MTHFD1L: variants seen among roughly 807,000 people sequenced by gnomAD.
MTHFD1L encodes the protein monofunctional C1-tetrahydrofolate synthase, mitochondrial.
In MTHFD1L, 81 loss-of-function variants were observed where a neutral mutation model predicts 119.5. The observed-to-expected ratio is 0.68, with a 90% CI of 0.57 to 0.82. The LOEUF (loss-of-function observed/expected upper bound fraction) is 0.82. MTHFD1L is among the 40% of genes least tolerant of loss of function. MTHFD1L has a pLI of 0.00. For missense variants in MTHFD1L, 1,125 were observed against 1,253.4 expected, an observed-to-expected ratio of 0.90 and a Z score of 1.55; for synonymous variants, 430 against 475.2, an observed-to-expected ratio of 0.90 and a Z score of 1.24.
In MTHFD1L at chr6:150,926,030, A is replaced by G; in HGVS notation, c.1083-92A>G. 1 of 1,099,712 alleles carries G rather than the reference A, an allele frequency of 9.1e-7. No individual in the cohort carries two copies. The highest frequency in any genetic ancestry group is 1.3e-6 in the Non-Finnish European group (1 of 770,978). The allele number at this position is 1,099,712 out of a possible 1,614,324, so 68.1% of individuals were successfully genotyped here. A position where few individuals can be genotyped will look rare whatever the true frequency, so the allele number is the denominator to read the frequency against. On this transcript the variant is annotated intron_variant, in intron 10 of 27. Transcript: ENST00000367321. This position sits in a 1 kb window ranked among gnomAD's most constrained non-coding sequence, Gnocchi z 4.3. Reference sequence around the variant, plus strand: ...ACCCCAAAGTAATTGCATTGATTTCATCGTTGGCGTGATGTGTGGCTGTTT... The same window carrying G: ...ACCCCAAAGTAATTGCATTGATTTCGTCGTTGGCGTGATGTGTGGCTGTTT...
In MTHFD1L at chr6:150,905,685, TAAGCCA is replaced by T. The variant is rs771075779; in HGVS notation, c.817_822del (p.Lys273_Pro274del). 5 of 1,614,162 alleles carry T rather than the reference TAAGCCA, an allele frequency of 3.1e-6. No individual in the cohort carries two copies. In the South Asian group the frequency reaches 5.5e-5, roughly 18 times the overall value. ...CTGACATTGTGGTCCTAGGCTCACC[TAAGCCA>T]GAAGAGATTCCCCTTACTTGGATAC... On this transcript the variant is annotated inframe_deletion, in exon 8 of 28. Coordinates refer to ENST00000367321, the MANE Select transcript of MTHFD1L (RefSeq NM_015440.5).
intron 20 of MTHFD1L, among the ~76,000 whole-genome samples, chr6:150,996,916 G>A (rs1360434868): frequency 6.6e-6 from 1 of 152,104 alleles, no homozygotes; most frequent in African/African-American, 2.4e-5. Context: ...TGCTTTCTAG[G>A]TGCGGTGGAG....
chr6:150,961,546 T>C (rs1796461927), intron 18 of MTHFD1L, among the ~76,000 whole-genome samples: 1 of 152,242 alleles, frequency 6.6e-6, no homozygotes, highest in African/African-American at 2.4e-5. Flanking sequence ...CCTACAATAA[T>C]GGAACTTAAA....
intron 14 of MTHFD1L, among the ~76,000 whole-genome samples, chr6:150,945,042 A>G (rs752314726): frequency 6.6e-6 from 1 of 152,170 alleles, no homozygotes; most frequent in East Asian, 1.9e-4. Flanking sequence ...TAAGAGTTAA[A>G]CCACACCCCC....
intron 26 of MTHFD1L, among the ~76,000 whole-genome samples, chr6:151,075,344 G>A (rs1279676788): frequency 6.6e-6 from 1 of 152,022 alleles, no homozygotes; most frequent in African/African-American, 2.4e-5. Context: ...AATTGAATTG[G>A]TATATCAATA....
At chr6:151,096,457 C>T (rs1794905361) in intron 27 of MTHFD1L, among the ~76,000 whole-genome samples, 1 of 152,146 alleles carries the variant, frequency 6.6e-6, no homozygotes, top group Non-Finnish European at 1.5e-5. Context: ...GCAAACATTC[C>T]CTCTCAGTGG....
chr6:151,047,116 A>G (rs1788212565), intron 26 of MTHFD1L, among the ~76,000 whole-genome samples: 2 of 152,222 alleles, frequency 1.3e-5, no homozygotes, highest in Admixed American at 1.3e-4. Flanking sequence ...CTTGGAAACT[A>G]CCACTTTAAG....
chr6:150,906,573 T>C (rs6905272), intron 8 of MTHFD1L, among the ~76,000 whole-genome samples: 25,235 of 152,232 alleles, frequency 0.17, 2,334 homozygotes, highest in Admixed American at 0.25. Context: ...CCCCTCTTCC[T>C]GATTCCTTCT....
chr6:151,009,545 G>A (rs1054469111), intron 20 of MTHFD1L, among the ~76,000 whole-genome samples: 2 of 146,782 alleles, frequency 1.4e-5, no homozygotes, highest in Admixed American at 1.4e-4. Context: ...AAAAAAAAAA[G>A]CTTCACTGTG....
intron 8 of MTHFD1L, 45 bp downstream of exon 8, chr6:150,905,806 A>G (rs781396972): frequency 1.4e-6 from 2 of 1,402,830 alleles, no homozygotes; most frequent in South Asian, 1.2e-5. Context: ...TAGGTCAGAT[A>G]GTTCAAAGAA....
At chr6:151,100,865 A>C (rs1221158635) in intron 27 of MTHFD1L, among the ~76,000 whole-genome samples, 2 of 152,108 alleles carry the variant, frequency 1.3e-5, no homozygotes, top group African/African-American at 2.4e-5. Context: ...CCTTATCTAA[A>C]ATCCTAAACA....
chr6:151,092,514 A>G lies in MTHFD1L; in HGVS notation c.2895A>G (p.Ile965Met). The change falls in exon 27 of 28, where the codon ATA becomes ATG. Residue 965 changes from isoleucine to methionine, a missense_variant. Transcript: ENST00000367321. ...CCACCCGGCCCTGCTTTTATGACAT[A>G]GATCTTGATACCGAAACAGAACAAG... The part of the protein sequence containing the change: ...GLPTRPCFYD[I>M]DLDTETEQVK... 1 of 1,614,154 alleles carries G rather than the reference A, an allele frequency of 6.2e-7. No individual in the cohort carries two copies. The highest frequency in any genetic ancestry group is 2.2e-5 in the East Asian group (1 of 44,884).
chr6:150,948,929 T>A, intron 15 of MTHFD1L, 102 bp from the exon 16 acceptor site: 1 of 1,026,586 alleles, frequency 9.7e-7, no homozygotes, highest in Admixed American at 2.2e-5. Flanking sequence ...TTTAAAAGGC[T>A]TTACCAATCA....
intron 4 of MTHFD1L, among the ~76,000 whole-genome samples, chr6:150,879,342 C>A (rs775277338): frequency 4.6e-5 from 7 of 151,944 alleles, no homozygotes; most frequent in African/African-American, 1.7e-4. Flanking sequence ...GGCTGGAGTG[C>A]GGTGGTGCAA....
chr6:150,990,829 A>G (rs1220721050), intron 20 of MTHFD1L, among the ~76,000 whole-genome samples: 1 of 152,016 alleles, frequency 6.6e-6, no homozygotes, highest in Non-Finnish European at 1.5e-5. Context: ...CATTTGACTA[A>G]TAATTTTAAA....
intron 20 of MTHFD1L, among the ~76,000 whole-genome samples, chr6:150,977,878 A>T (rs1455950122): frequency 1.3e-5 from 2 of 151,236 alleles, no homozygotes; most frequent in Non-Finnish European, 2.9e-5. Context: ...AGGTTCGTGC[A>T]TATGGAGACA....
intron 26 of MTHFD1L, among the ~76,000 whole-genome samples, chr6:151,091,925 G>A (rs1250793188): frequency 6.6e-6 from 1 of 152,180 alleles, no homozygotes; most frequent in African/African-American, 2.4e-5. Context: ...AGGATAAAAT[G>A]AGGAAAGCAC....
Position 150,996,640 on chromosome 6 carries a change from GC to G in MTHFD1L, c.2126-13177del, listed in dbSNP as rs1273528535. Among the ~76,000 whole-genome samples, 4 of 152,170 alleles carry G rather than the reference GC, an allele frequency of 2.6e-5. No individual in the cohort carries two copies. In the East Asian group the frequency reaches 5.8e-4, roughly 22 times the overall value. On this transcript the variant is annotated intron_variant, in intron 20 of 27. Coordinates refer to ENST00000367321, the MANE Select transcript of MTHFD1L (RefSeq NM_015440.5). The stretch of plus-strand genomic sequence containing the variant: ...GCAGCTCAGCCCTGGTTCCTGCTGA[GC>G]CTACAGCCCCAGGCCTGAGCAGCCG...
At chr6:150,879,537 C>A (rs1031022998) in intron 4 of MTHFD1L, among the ~76,000 whole-genome samples, 2 of 151,868 alleles carry the variant, frequency 1.3e-5, no homozygotes, top group African/African-American at 4.8e-5. Flanking sequence ...GATGGCCTGC[C>A]TCTGCCTCCC....
Sources: gnomAD v4.1 joint callset for allele counts (sites outside exome capture counted in the v4.1 genomes callset) on GRCh38, gnomAD v4.1.1 for gene constraint, Gnocchi (gnomAD v3.1) non-coding constraint, MANE v1.5 for transcripts, NCBI Gene and HGNC (gene_info 2026-07-23, HGNC 2026-07-21) for gene names.